The following MCOLN3 variants were observed in gnomAD, a reference collection of about 807,000 sequenced individuals.
The protein encoded by MCOLN3 is mucolipin-3.
MCOLN3 carries 62 observed loss-of-function variants against 69.4 expected under a neutral mutation model. The ratio of observed to expected loss-of-function variants is 0.89; its 90% CI spans 0.73 to 1.10. MCOLN3 has a LOEUF of 1.10. Among genes scored for constraint, MCOLN3 ranks in the 50% least tolerant of loss-of-function variants. MCOLN3 has a pLI of 0.00. For synonymous variants in MCOLN3, 183 were observed against 217.0 expected (o/e 0.84, Z 1.38); for missense variants, 564 against 656.4 (o/e 0.86, Z 1.54).
intron 9 of MCOLN3, 175 bp from the exon 10 acceptor site, chr1:85,022,575 C>A: frequency 2.0e-6 from 1 of 509,838 alleles, no homozygotes; most frequent in Admixed American, 3.7e-5. Flanking sequence ...AAAGAGACAA[C>A]AGAAATAAGT....
At chr1:85,026,699 G>C (rs1652240849) in intron 7 of MCOLN3, among the ~76,000 whole-genome samples, 1 of 151,448 alleles carries the variant, frequency 6.6e-6, no homozygotes, top group Non-Finnish European at 1.5e-5. Context: ...GGAGTTTGCA[G>C]TGAGCCAAGA....
At chr1:85,034,337 C>G in intron 3 of MCOLN3, 86 bp from the exon 4 acceptor site, 1 of 1,401,452 alleles carries the variant, frequency 7.1e-7, no homozygotes, top group Non-Finnish European at 1.0e-6. Context: ...CACCTCTGAT[C>G]CTGGCAGGTT....
chr1:85,019,217 G>A lies in MCOLN3; in HGVS notation c.1568C>T (p.Thr523Ile). The change falls in exon 13 of 13, where the codon ACA becomes ATA. Residue 523 changes from threonine to isoleucine, a missense_variant. Physicochemically the swap from Thr to Ile is moderately conservative, Grantham distance 89. Transcript: ENST00000370589. The stretch of plus-strand genomic sequence containing the variant: ...TAGATCTTTGCATTCTGATATAAAT[G>A]TACGAAGTTCAGTCTCTGGGAAGCC... ...QDGFPETELR[T>I]FISECKDLPN... is the part of the protein sequence containing the mutation. 1 of 1,613,060 alleles carries A rather than the reference G, an allele frequency of 6.2e-7. No homozygotes were observed. The highest frequency in any genetic ancestry group is 1.1e-5 in the South Asian group (1 of 91,034).
intron 8 of MCOLN3, 24 bp from the exon 9 acceptor site, chr1:85,026,112 C>A: frequency 5.0e-6 from 8 of 1,611,710 alleles, no homozygotes; most frequent in Non-Finnish European, 6.8e-6. Context: ...AGGGGAGGCA[C>A]AGTGAATGTC....
rs553582254 is a variant in MCOLN3, at chr1:85,028,049, A to G, written c.832+1057T>C. 3.9e-5 allele frequency among the ~76,000 whole-genome samples: 6 copies of G among 152,334 alleles called. No individual in the cohort carries two copies. In the East Asian group the frequency reaches 1.2e-3, roughly 29 times the overall value. ...TTACAAATTAAGAAACAAACATTTG[A>G]GAGAATGCCTAGGTGCCAGACACTT... On this transcript the variant is annotated intron_variant, in intron 7 of 12. Transcript: ENST00000370589.
rs1651754872 is a variant in MCOLN3 at position 85,018,196 on chromosome 1, C to G, written c.*927G>C. On this transcript the variant is annotated 3_prime_UTR_variant, in exon 13 of 13. Coordinates refer to ENST00000370589, the MANE Select transcript of MCOLN3 (RefSeq NM_018298.11). ...AATGAGTATTTAAAAGCCTGATCCT[C>G]TTAAGAACTAAAAGCAGAATCAAGT... 1 of 152,196 alleles carries G rather than the reference C, an allele frequency of 6.6e-6. No homozygotes were observed. The highest frequency in any genetic ancestry group is 2.4e-5 in the African/African-American group (1 of 41,444). The allele number at this position is 152,196 out of a possible 1,614,324, so 9.4% of individuals were successfully genotyped here. A position where few individuals can be genotyped will look rare whatever the true frequency, so the allele number is the denominator to read the frequency against.
intron 9 of MCOLN3, chr1:85,022,969 A>G (rs1652022668): frequency 6.6e-6 from 1 of 152,344 alleles, no homozygotes; most frequent in South Asian, 2.1e-4. Flanking sequence ...GCTGTGGTTG[A>G]CAGCAGGTTG....
intron 3 of MCOLN3, among the ~76,000 whole-genome samples, chr1:85,037,362 C>T (rs1265384910): frequency 3.3e-5 from 5 of 152,088 alleles, no homozygotes; most frequent in African/African-American, 4.8e-5. Context: ...GGGGTCACGA[C>T]GCACAGTCAT....
intron 2 of MCOLN3, among the ~76,000 whole-genome samples, chr1:85,041,649 T>C (rs1653069225): frequency 6.6e-6 from 1 of 151,966 alleles, no homozygotes; most frequent in African/African-American, 2.4e-5. Flanking sequence ...GCAGGTGGAT[T>C]ACCTTAGGTC....
intron 6 of MCOLN3, among the ~76,000 whole-genome samples, chr1:85,032,088 G>C (rs1258762702): frequency 6.6e-6 from 1 of 151,272 alleles, no homozygotes; most frequent in Non-Finnish European, 1.5e-5. Context: ...AAAAAGAAGA[G>C]AGAGAGAGAG....
Position 85,045,369 on chromosome 1 carries a change from G to GAAA in MCOLN3, c.-2-10_-2-8dup. The GAAA allele has an allele frequency of 1.3e-6, 2 of 1,594,168 alleles. No individual in the cohort carries two copies. The highest frequency in any genetic ancestry group is 1.7e-6 in the Non-Finnish European group (2 of 1,169,944). On this transcript the variant is annotated splice_region_variant and splice_polypyrimidine_tract_variant and intron_variant, in intron 1 of 12. Transcript: ENST00000370589. ...ACCTCAGGATCTGCCATCTCTAGAG[G>GAAA]AAAAAAACAACAACAACAACAACCA...
At chr1:85,021,033 G>C in intron 12 of MCOLN3, 37 bp downstream of exon 12, 9 of 1,486,222 alleles carry the variant, frequency 6.1e-6, no homozygotes, top group Non-Finnish European at 8.3e-6. Flanking sequence ...ACAAGTTATA[G>C]GACAATGCTA....
intron 3 of MCOLN3, among the ~76,000 whole-genome samples, chr1:85,040,478 A>G (rs116777334): frequency 2.3e-3 from 350 of 152,362 alleles, no homozygotes; most frequent in African/African-American, 8.2e-3. Flanking sequence ...TTACAAACTC[A>G]GAATAAAATA....
chr1:85,034,894 A>T (rs959160324), intron 3 of MCOLN3, among the ~76,000 whole-genome samples: 3 of 152,234 alleles, frequency 2.0e-5, no homozygotes, highest in African/African-American at 7.2e-5. Flanking sequence ...TTTTTGGAGC[A>T]ATATGTCTGG....
intron 1 of MCOLN3, among the ~76,000 whole-genome samples, chr1:85,046,131 A>T (rs778961510): frequency 1.3e-5 from 2 of 152,220 alleles, no homozygotes; most frequent in Non-Finnish European, 2.9e-5. Flanking sequence ...GGCTTCCTAG[A>T]AAGCCAGTAA....
intron 2 of MCOLN3, among the ~76,000 whole-genome samples, chr1:85,041,870 CA>C (rs11446470): frequency 0.011 from 761 of 69,674 alleles, 3 homozygotes; most frequent in African/African-American, 0.024. Flanking sequence ...AACTACGTCT[CA>C]AAAAAAAAAA....
chr1:85,032,761 T>G lies in MCOLN3; in HGVS notation c.667A>C (p.Lys223Gln), dbSNP rs551147382. Residue 223 changes from lysine (K) to glutamine (Q), a missense_variant, in exon 6 of 13, where the codon AAA becomes CAA. By Grantham distance (53) the Lys-to-Gln change is moderately conservative. Transcript: ENST00000370589. ...LLTVELQFKL[K>Q]AINLQTVRHQ... ...CGAACTGTCTGCAGATTAATGGCTTTCAGTTTAAACTGAAGCTCCACTGTT... is the reference window on the plus strand; with the variant it reads ...CGAACTGTCTGCAGATTAATGGCTTGCAGTTTAAACTGAAGCTCCACTGTT... 1.9e-6 allele frequency: 3 copies of G among 1,614,142 alleles called. No individual in the cohort carries two copies. The highest frequency in any genetic ancestry group is 2.2e-5 in the East Asian group (1 of 44,878).
intron 1 of MCOLN3, among the ~76,000 whole-genome samples, chr1:85,046,457 G>A (rs1191562988): frequency 2.0e-5 from 3 of 152,140 alleles, no homozygotes; most frequent in Non-Finnish European, 4.4e-5. Flanking sequence ...TTATACTATG[G>A]AAACCTGTTC....
At chr1:85,026,532 G>A (rs941905969) in intron 7 of MCOLN3, among the ~76,000 whole-genome samples, 4 of 152,036 alleles carry the variant, frequency 2.6e-5, no homozygotes, top group Non-Finnish European at 4.4e-5. Flanking sequence ...CGAGGCAGGC[G>A]GATCACAAGG....
Sources: gnomAD v4.1 joint callset for allele counts (sites outside exome capture counted in the v4.1 genomes callset) on GRCh38, gnomAD v4.1.1 for gene constraint, MANE v1.5 for transcripts, NCBI Gene and HGNC (gene_info 2026-07-23, HGNC 2026-07-21) for gene names.